EPM2A: variants seen among roughly 807,000 people sequenced by gnomAD.
EPM2A encodes the protein EPM2A glucan phosphatase, laforin.
EPM2A carries 21 observed loss-of-function variants against 26.5 expected under a neutral mutation model. The ratio of observed to expected loss-of-function variants is 0.79; its 90% confidence interval spans 0.56 to 1.14. The LOEUF (loss-of-function observed/expected upper bound fraction) is 1.14. Ranked by LOEUF, EPM2A falls within the 50% of genes most tolerant of loss-of-function variation. EPM2A has a pLI of 0.00. For synonymous variants in EPM2A, 217 were observed against 177.6 expected (o/e 1.22, Z -1.76); for missense variants, 458 against 440.8 (o/e 1.04, Z -0.35).
intron 2 of EPM2A, among the ~76,000 whole-genome samples, chr6:145,565,788 G>C (rs962128342): frequency 6.6e-6 from 1 of 152,152 alleles, no homozygotes; most frequent in Non-Finnish European, 1.5e-5. Flanking sequence ...TCCCTGAGGG[G>C]CTCTGGAAGG....
chr6:145,387,405 A>G (rs978435336), intron 4 of EPM2A, among the ~76,000 whole-genome samples: 1 of 152,120 alleles, frequency 6.6e-6, no homozygotes, highest in East Asian at 1.9e-4. Flanking sequence ...TTTTCTTCAG[A>G]CTGTCCTGCC....
chr6:145,645,045 AAAC>A (rs1214989934), intron 2 of EPM2A, among the ~76,000 whole-genome samples: 2 of 152,174 alleles, frequency 1.3e-5, no homozygotes, highest in African/African-American at 2.4e-5. Context: ...GGTATATCTC[AAAC>A]AACTCTAATC....
chr6:145,418,523 C>G (rs953575651), intron 4 of EPM2A, among the ~76,000 whole-genome samples: 14 of 152,180 alleles, frequency 9.2e-5, no homozygotes, highest in African/African-American at 3.4e-4. Flanking sequence ...GCTTTGAAGA[C>G]TCTATTGGAA....
At chr6:145,583,404 T>G (rs1027322054) in intron 2 of EPM2A, among the ~76,000 whole-genome samples, 13 of 152,152 alleles carry the variant, frequency 8.5e-5, no homozygotes, top group Non-Finnish European at 1.6e-4. Flanking sequence ...TGGCTTCAAT[T>G]CTGGAAGATT....
rs79172009 is a variant in EPM2A, at chr6:145,435,219, A to C, written c.556-51122T>G. Among the ~76,000 whole-genome samples, 32 of 152,284 alleles carry C rather than the reference A, an allele frequency of 2.1e-4. No homozygotes were observed. In the East Asian group the frequency reaches 6.0e-3, roughly 28 times the overall value. On this transcript the variant is annotated intron_variant, in intron 4 of 4. Coordinates refer to the EPM2A transcript ENST00000638717. ...TGGAAGAAGTGAGGGAAGCAATATG[A>C]AGTATAAGGTATAAATGAGTAAAAA...
intron 1 of EPM2A, among the ~76,000 whole-genome samples, chr6:145,699,440 C>CAT (rs1781793634): frequency 6.6e-6 from 1 of 151,956 alleles, no homozygotes; most frequent in Non-Finnish European, 1.5e-5. Flanking sequence ...TTGTGGTGTG[C>CAT]ATATGAATGT....
chr6:145,574,242 T>C (rs1780998645), intron 2 of EPM2A, among the ~76,000 whole-genome samples: 1 of 152,048 alleles, frequency 6.6e-6, no homozygotes, highest in African/African-American at 2.4e-5. Flanking sequence ...ATAAATTAAG[T>C]AGGAATGCAG....
intron 1 of EPM2A, among the ~76,000 whole-genome samples, chr6:145,700,812 A>G (rs1781869278): frequency 6.6e-6 from 1 of 152,232 alleles, no homozygotes; most frequent in African/African-American, 2.4e-5. Context: ...TATGTCTTCA[A>G]TTAAGATTTT....
At chr6:145,468,597 A>G (rs1421651853) in intron 4 of EPM2A, among the ~76,000 whole-genome samples, 1 of 151,392 alleles carries the variant, frequency 6.6e-6, no homozygotes, top group Non-Finnish European at 1.5e-5. Context: ...GAATAAAACT[A>G]GACCTCTATC....
At chr6:145,687,347 A>AC (rs1265291627) in intron 1 of EPM2A, among the ~76,000 whole-genome samples, 5 of 150,814 alleles carry the variant, frequency 3.3e-5, no homozygotes, top group East Asian at 1.9e-4. Flanking sequence ...TCAATCTTAG[A>AC]CCCCCCAGCC....
intron 4 of EPM2A, among the ~76,000 whole-genome samples, chr6:145,449,502 T>C (rs1363032529): frequency 2.0e-5 from 3 of 152,364 alleles, no homozygotes; most frequent in Middle Eastern, 3.4e-3. Context: ...CCCGTTTATC[T>C]AAGTGTCTCA....
chr6:145,471,887 G>C (rs1779478488), intron 4 of EPM2A, among the ~76,000 whole-genome samples: 1 of 151,876 alleles, frequency 6.6e-6, no homozygotes, highest in Non-Finnish European at 1.5e-5. Context: ...GTAGACTAGG[G>C]AGGCATGTTA....
At position 145,544,748 on chromosome 6, in the gene EPM2A, C is replaced by T. The variant is rs374192845; in HGVS notation, c.341-42173G>A. On this transcript the variant is annotated intron_variant, in intron 2 of 3. Coordinates refer to the EPM2A transcript ENST00000450221. ...GTGGCTTTTGCTCAGATCAGCCCAC[C>T]GGCAACAGGTCTTCTGAAGCCTGGA... 6.6e-5 allele frequency among the ~76,000 whole-genome samples: 10 copies of T among 152,260 alleles called. No individual in the cohort carries two copies. In the East Asian group the frequency reaches 1.5e-3, roughly 24 times the overall value.
At chr6:145,390,247 G>A (rs1562316890) in intron 4 of EPM2A, among the ~76,000 whole-genome samples, 1 of 151,872 alleles carries the variant, frequency 6.6e-6, no homozygotes, top group Non-Finnish European at 1.5e-5. Context: ...GACTGGATGA[G>A]GCCCAGCCAC....
At chr6:145,495,685 C>A (rs1425431166) in intron 4 of EPM2A, among the ~76,000 whole-genome samples, 3 of 152,182 alleles carry the variant, frequency 2.0e-5, no homozygotes, top group Non-Finnish European at 2.9e-5. Context: ...TCAAGCAATT[C>A]TCATGCCTCA....
At chr6:145,556,633 T>C (rs776397162) in intron 2 of EPM2A, among the ~76,000 whole-genome samples, 7 of 152,146 alleles carry the variant, frequency 4.6e-5, no homozygotes, top group Non-Finnish European at 7.4e-5. Context: ...TTAAGCTCTA[T>C]GAAGGATTCC....
At chr6:145,715,959 C>T (rs1775594803) in intron 1 of EPM2A, among the ~76,000 whole-genome samples, 1 of 152,094 alleles carries the variant, frequency 6.6e-6, no homozygotes, top group Non-Finnish European at 1.5e-5. Flanking sequence ...TGAATCATCC[C>T]ACAACCATCC....
intron 4 of EPM2A, among the ~76,000 whole-genome samples, chr6:145,441,451 C>T (rs984659699): frequency 2.0e-5 from 3 of 152,322 alleles, no homozygotes; most frequent in Admixed American, 6.5e-5. Context: ...TTTGACTCCT[C>T]ATTACTTATG....
At chr6:145,619,923 T>C (rs896399502) in intron 2 of EPM2A, among the ~76,000 whole-genome samples, 11 of 152,048 alleles carry the variant, frequency 7.2e-5, no homozygotes, top group African/African-American at 2.7e-4. Context: ...ATTTTTGAAA[T>C]AAAAAAATGA....
Sources: gnomAD v4.1 joint callset for allele counts (sites outside exome capture counted in the v4.1 genomes callset) on GRCh38, gnomAD v4.1.1 for gene constraint, MANE v1.5 for transcripts, NCBI Gene and HGNC (gene_info 2026-07-23, HGNC 2026-07-21) for gene names.